The following ITIH5 variants were observed in gnomAD, a reference collection of about 807,000 sequenced individuals.
The protein encoded by ITIH5 is inter-alpha-trypsin inhibitor heavy chain 5, also known as inter-alpha-trypsin inhibitor heavy chain H5.
In ITIH5, 65 loss-of-function variants were observed where a neutral mutation model predicts 77.5. The observed-to-expected ratio is 0.84, with a 90% CI of 0.69 to 1.03. The LOEUF (loss-of-function observed/expected upper bound fraction) is 1.03, where lower values mean the gene tolerates loss of function less well. Among genes scored for constraint, ITIH5 ranks in the 50% least tolerant of loss-of-function variants. The pLI, the probability that ITIH5 is intolerant of heterozygous loss-of-function variation, is 0.00. For synonymous variants in ITIH5, 525 were observed against 494.3 expected (o/e 1.06, Z -0.82); for missense variants, 1,208 against 1,213.1 (o/e 1.00, Z 0.06).
At chr10:7,614,118 A>C (rs566806439) in intron 7 of ITIH5, among the ~76,000 whole-genome samples, 1 of 152,224 alleles carries the variant, frequency 6.6e-6, no homozygotes, top group African/African-American at 2.4e-5. Flanking sequence ...AAAGTAAAAT[A>C]AATCATTTTC....
At chr10:7,655,913 C>G (rs1834174585) in intron 1 of ITIH5, among the ~76,000 whole-genome samples, 1 of 152,212 alleles carries the variant, frequency 6.6e-6, no homozygotes, top group Non-Finnish European at 1.5e-5. Flanking sequence ...TAATGTCACA[C>G]TATCTCATCG....
At chr10:7,587,218 T>C (rs1469799493) in intron 7 of ITIH5, among the ~76,000 whole-genome samples, 3 of 152,094 alleles carry the variant, frequency 2.0e-5, no homozygotes, top group Admixed American at 6.6e-5. Flanking sequence ...TGATAACAGG[T>C]ATACACTAAA....
chr10:7,566,494 A>T lies in ITIH5; in HGVS notation c.2150-87T>A, dbSNP rs565296965. Reference sequence around the variant, plus strand: ...CTGTAATCCCAGCACTTAGAAGGCCAGGGCAGGTGGATTGCCTGAGTCCAG... The same window carrying T: ...CTGTAATCCCAGCACTTAGAAGGCCTGGGCAGGTGGATTGCCTGAGTCCAG... On this transcript the variant is annotated intron_variant, in intron 12 of 13. Coordinates refer to ENST00000397146, the MANE Select transcript of ITIH5 (RefSeq NM_030569.7). 26 of 1,355,410 alleles carry T rather than the reference A, an allele frequency of 1.9e-5. No homozygotes were observed. The African/African-American group carries it at 2.7e-4, about 14-fold the overall frequency. The allele number at this position is 1,355,410 out of a possible 1,614,324, so 84.0% of individuals were successfully genotyped here. A position where few individuals can be genotyped will look rare whatever the true frequency, so the allele number is the denominator to read the frequency against.
intron 4 of ITIH5, among the ~76,000 whole-genome samples, chr10:7,637,937 G>T (rs542412260): frequency 6.6e-6 from 1 of 152,306 alleles, no homozygotes; most frequent in Non-Finnish European, 1.5e-5. Context: ...TAGCAGGAAA[G>T]GTAGGGAATA....
intron 5 of ITIH5, among the ~76,000 whole-genome samples, chr10:7,629,349 G>C (rs988005397): frequency 8.7e-6 from 1 of 114,866 alleles, no homozygotes; most frequent in African/African-American, 3.4e-5. Flanking sequence ...CCATGTTGTA[G>C]CGTGTGTCCC....
At chr10:7,649,975 G>A (rs1198643176) in intron 2 of ITIH5, among the ~76,000 whole-genome samples, 1 of 152,122 alleles carries the variant, frequency 6.6e-6, no homozygotes, top group Non-Finnish European at 1.5e-5. Flanking sequence ...ATGTCCGCTG[G>A]AAAATAGTGG....
chr10:7,623,309 G>T (rs1833503702), intron 5 of ITIH5, among the ~76,000 whole-genome samples: 1 of 152,134 alleles, frequency 6.6e-6, no homozygotes, highest in South Asian at 2.1e-4. Context: ...AGCTTAAATT[G>T]TCTATGTTTG....
At chr10:7,630,246 G>A (rs1833691120) in intron 5 of ITIH5, among the ~76,000 whole-genome samples, 1 of 152,164 alleles carries the variant, frequency 6.6e-6, no homozygotes. Flanking sequence ...TAGCATAGGT[G>A]CTCTGTAAGT....
intron 7 of ITIH5, among the ~76,000 whole-genome samples, chr10:7,588,740 A>G (rs1832732250): frequency 6.6e-6 from 1 of 152,248 alleles, no homozygotes; most frequent in Non-Finnish European, 1.5e-5. Flanking sequence ...CGATATTAAC[A>G]GCTTGCATTT....
At chr10:7,644,447 TAG>T (rs1235498445) in intron 2 of ITIH5, among the ~76,000 whole-genome samples, 26 of 142,684 alleles carry the variant, frequency 1.8e-4, no homozygotes, top group Admixed American at 4.3e-4. Context: ...ATATCACATA[TAG>T]ATCATATATA....
chr10:7,637,100 C>T, intron 5 of ITIH5, 128 bp downstream of exon 5: 1 of 1,164,900 alleles, frequency 8.6e-7, no homozygotes. Context: ...GCTATCATTC[C>T]AGTTCCTACA....
At chr10:7,637,565 C>T (rs1054022432) in intron 4 of ITIH5, 87 bp from the exon 5 acceptor site, 10 of 1,345,540 alleles carry the variant, frequency 7.4e-6, no homozygotes, top group Non-Finnish European at 1.0e-5. Flanking sequence ...ACCAGCCATA[C>T]CCTCTCAACC....
intron 7 of ITIH5, among the ~76,000 whole-genome samples, chr10:7,603,684 C>T (rs962726244): frequency 2.6e-5 from 4 of 152,106 alleles, no homozygotes; most frequent in African/African-American, 9.7e-5. Flanking sequence ...CCCGGGTTCA[C>T]ACCATTCTCC....
Position 7,566,189 on chromosome 10 carries a change from C to T in ITIH5, c.2368G>A (p.Val790Met), listed in dbSNP as rs767247473. Residue 790 changes from valine to methionine, a missense_variant, in exon 13 of 14, where the codon GTG becomes ATG. Transcript: ENST00000397146. ...VVGSWGLEVSVSANANVTVTI... is the reference protein window; with the variant it reads ...VVGSWGLEVSMSANANVTVTI... ...ACGGTGACATTGGCGTTGGCAGACA[C>T]GGACACCTCCAGCCCCCAGCTCCCC... 22 of 1,613,864 alleles carry T rather than the reference C, an allele frequency of 1.4e-5. 1 individual carries two copies. The highest frequency in any genetic ancestry group is 3.3e-4 in the Middle Eastern group (2 of 6,084).
At position 7,652,495 on chromosome 10, in the gene ITIH5, A is replaced by G. The variant is rs1164995156; in HGVS notation, c.135+3136T>C. Among the ~76,000 whole-genome samples, 3 of 152,220 alleles carry G rather than the reference A, an allele frequency of 2.0e-5. No homozygotes were observed. In the East Asian group the frequency reaches 5.8e-4, roughly 29 times the overall value. On this transcript the variant is annotated intron_variant, in intron 2 of 13. Coordinates refer to ENST00000397146, the MANE Select transcript of ITIH5 (RefSeq NM_030569.7). ...ATGCGCCAGGTCTACCACTGGAAAAATCATTCTAGTACCAACTGGATGGTC... is the reference window on the plus strand; with the variant it reads ...ATGCGCCAGGTCTACCACTGGAAAAGTCATTCTAGTACCAACTGGATGGTC...
intron 5 of ITIH5, among the ~76,000 whole-genome samples, chr10:7,629,368 C>CAT: frequency 7.8e-6 from 1 of 128,694 alleles, no homozygotes. Flanking sequence ...CCTGTTGTAG[C>CAT]GTGTGTCCAT....
In ITIH5 at chr10:7,655,658, C is replaced by T. The variant is rs1045813146; in HGVS notation, c.108G>A (p.Pro36=). The change falls in exon 2 of 14, where the codon CCG becomes CCA. Residue 36 remains proline (P), a synonymous_variant. Transcript: ENST00000397146. ...HSSEQDGLRV[P]RQVRLLQRLK... ...GCCTCTGCAACAGTCTGACTTGCCT[C>T]GGGACCCTGAGTCCATCCTAGAAAA... 18 of 1,612,796 alleles carry T rather than the reference C, an allele frequency of 1.1e-5. No homozygotes were observed. Among genetic ancestry groups the T allele is most frequent in the Middle Eastern group, 1.6e-4 (1 of 6,084 alleles).
chr10:7,622,670 T>TAC (rs1833493306), intron 5 of ITIH5, among the ~76,000 whole-genome samples: 1 of 152,164 alleles, frequency 6.6e-6, no homozygotes, highest in African/African-American at 2.4e-5. Flanking sequence ...TCAATATATA[T>TAC]ACACATTATA....
chr10:7,629,287 C>A (rs199498677), intron 5 of ITIH5, among the ~76,000 whole-genome samples: 1,210 of 52,054 alleles, frequency 0.023, 41 homozygotes, highest in African/African-American at 0.061. Flanking sequence ...GCGTGTGTCC[C>A]TGTTGTAGCG....
Sources: allele counts gnomAD v4.1 joint callset (sites outside exome capture counted in the v4.1 genomes callset), GRCh38; gene constraint gnomAD v4.1.1; transcripts MANE v1.5; gene names NCBI Gene and HGNC (gene_info 2026-07-23, HGNC 2026-07-21).